The following MAMLD1 variants were observed in gnomAD, a reference collection of about 807,000 sequenced individuals.
The protein encoded by MAMLD1 is mastermind-like domain-containing protein 1.
Under a neutral mutation model 45.0 loss-of-function variants are expected in MAMLD1, and 14 were observed. The observed-to-expected ratio is 0.31, with a 90% confidence interval of 0.21 to 0.49. The LOEUF is 0.49. Ranked by LOEUF, MAMLD1 falls within the 20% of genes least tolerant of loss-of-function variation. The pLI, the probability that MAMLD1 is intolerant of heterozygous loss-of-function variation, is 0.99. For missense variants in MAMLD1, 543 were observed against 603.6 expected (o/e 0.90, Z 1.05); for synonymous variants, 254 against 247.8 (o/e 1.02, Z -0.24).
rs1479287099 is a variant in MAMLD1 at position 150,513,104 on chromosome X, T to C, written c.*1145T>C. 13 of 1,104,580 alleles carry C rather than the reference T, an allele frequency of 1.2e-5. No homozygotes were observed. Among genetic ancestry groups the C allele is most frequent in the Non-Finnish European group, 1.4e-5 (12 of 836,576 alleles). The allele number at this position is 1,104,580 out of a possible 1,213,427, so 91.0% of individuals were successfully genotyped here. Reference sequence around the variant, plus strand: ...AGCAGGATGCCCATAGAAACCCCCATGGTGACATCACTCTAGGAAGTGGTG... The same window carrying C: ...AGCAGGATGCCCATAGAAACCCCCACGGTGACATCACTCTAGGAAGTGGTG... On this transcript the variant is annotated 3_prime_UTR_variant, in exon 8 of 8. Transcript: ENST00000370401.
intron 5 of MAMLD1, among the ~76,000 whole-genome samples, chrX:150,489,806 T>TG (rs1293371156): frequency 9.1e-6 from 1 of 110,476 alleles, no homozygotes; most frequent in Non-Finnish European, 1.9e-5. Flanking sequence ...AGGAATGTAC[T>TG]GGGGGAAATG....
chrX:150,364,278 G>C (rs1265949126), intron 1 of MAMLD1, among the ~76,000 whole-genome samples: 1 of 113,105 alleles, frequency 8.8e-6, no homozygotes, highest in East Asian at 2.8e-4. Flanking sequence ...TACTTTTCTC[G>C]GCCAGTTGGC....
rs2036410423 is a variant in MAMLD1 at position 150,471,131 on chromosome X, A to G, written c.1558A>G (p.Met520Val). The G allele has an allele frequency of 1.7e-6, 2 of 1,211,335 alleles. No homozygotes were observed. Among genetic ancestry groups the G allele is most frequent in the East Asian group, 3.0e-5 (1 of 33,786 alleles). The change falls in exon 4 of 8, where the codon ATG becomes GTG. Residue 520 changes from methionine (M) to valine (V), a missense_variant. Met to Val is a conservative substitution (Grantham distance 21). Coordinates refer to ENST00000370401, the MANE Select transcript of MAMLD1 (RefSeq NM_005491.5). The stretch of plus-strand genomic sequence containing the variant: ...CAGCAACTCATCCAAAACCCTGAGC[A>G]TGATCATGCAGCAGGGGATGGCAAG... ...ISSNSSKTLS[M>V]IMQQGMASSS...
chrX:150,454,816 C>T (rs1030396344), intron 2 of MAMLD1, among the ~76,000 whole-genome samples: 1 of 110,942 alleles, frequency 9.0e-6, no homozygotes, highest in Non-Finnish European at 1.9e-5. Flanking sequence ...ACCATTACCA[C>T]CATCACCATG....
intron 2 of MAMLD1, among the ~76,000 whole-genome samples, chrX:150,451,630 G>T (rs180740383): frequency 1.8e-5 from 2 of 111,495 alleles, no homozygotes; most frequent in Non-Finnish European, 3.8e-5. Context: ...TTTGATTTCC[G>T]CAGTTGATAT....
At chrX:150,450,804 G>A (rs782628890) in intron 2 of MAMLD1, among the ~76,000 whole-genome samples, 12 of 112,294 alleles carry the variant, frequency 1.1e-4, no homozygotes, top group East Asian at 2.8e-4. Flanking sequence ...ACTACACTGA[G>A]GAGACCTGAA....
intron 3 of MAMLD1, among the ~76,000 whole-genome samples, chrX:150,465,940 G>A (rs782576921): frequency 1.8e-5 from 2 of 112,402 alleles, no homozygotes; most frequent in South Asian, 7.4e-4. Flanking sequence ...GGTCATTCCG[G>A]AGCAGTGAGC....
At chrX:150,484,158 A>G (rs1438845966) in intron 5 of MAMLD1, among the ~76,000 whole-genome samples, 1 of 112,623 alleles carries the variant, frequency 8.9e-6, no homozygotes, top group Non-Finnish European at 1.9e-5. Flanking sequence ...TAGTATATGA[A>G]CAAGCTCCCA....
At chrX:150,447,193 C>T (rs1446369369) in intron 2 of MAMLD1, among the ~76,000 whole-genome samples, 2 of 112,335 alleles carry the variant, frequency 1.8e-5, no homozygotes, top group African/African-American at 6.5e-5. Flanking sequence ...CTTTAGAGCC[C>T]TTTGTAAGCT....
At chrX:150,453,884 A>G (rs1212513780) in intron 2 of MAMLD1, among the ~76,000 whole-genome samples, 2 of 111,592 alleles carry the variant, frequency 1.8e-5, no homozygotes, top group African/African-American at 3.3e-5. Context: ...CCATTCTATC[A>G]CATCACTATT....
intron 1 of MAMLD1, among the ~76,000 whole-genome samples, chrX:150,441,008 ATTAATATTTAATAAT>A (rs1457098924): frequency 8.6e-5 from 9 of 104,939 alleles, no homozygotes; most frequent in African/African-American, 3.1e-4. Flanking sequence ...TAATATAAAT[ATTAATATTTAATAAT>A]TTAATAATTA....
rs782150467 is a variant in MAMLD1 at position 150,463,693 on chromosome X, G to A, written c.171+847G>A. On this transcript the variant is annotated intron_variant, in intron 3 of 7. Transcript: ENST00000370401. ...GCCACTCCAGGCTGCTGCTCAGATA[G>A]TTCTGGCAGAAGCCTGTTGAAGCCC... is the stretch of plus-strand genomic sequence containing the variant. Among the ~76,000 whole-genome samples, 5 of 111,772 alleles carry A rather than the reference G, an allele frequency of 4.5e-5. No homozygotes were observed. In the East Asian group the frequency reaches 1.4e-3, roughly 32 times the overall value.
intron 1 of MAMLD1, among the ~76,000 whole-genome samples, chrX:150,403,996 G>GAAAGAAAGA (rs1244362021): frequency 2.7e-5 from 2 of 73,871 alleles, no homozygotes; most frequent in Non-Finnish European, 2.9e-5. Flanking sequence ...AAGAAAGAAA[G>GAAAGAAAGA]AAGAAAGGAA....
At position 150,436,014 on chromosome X, in the gene MAMLD1, A is replaced by C. The variant is rs28845006; in HGVS notation, c.-63-9440A>C. On this transcript the variant is annotated intron_variant, in intron 1 of 7. Coordinates refer to ENST00000370401, the MANE Select transcript of MAMLD1 (RefSeq NM_005491.5). ...TAAATAAAATTATTGGTTGTAAATT[A>C]TTTTCTTTAAGAATGCTGAATATAG... Among the ~76,000 whole-genome samples, 1,115 of 111,852 alleles carry C rather than the reference A, an allele frequency of 1.0e-2. 12 individuals carry two copies. Among genetic ancestry groups the C allele is most frequent in the African/African-American group, 0.035 (1,067 of 30,774 alleles).
At chrX:150,373,556 C>G (rs782303452) in intron 1 of MAMLD1, among the ~76,000 whole-genome samples, 3 of 111,910 alleles carry the variant, frequency 2.7e-5, no homozygotes, top group Admixed American at 1.9e-4. Flanking sequence ...GCCAAGATAG[C>G]AAAGGCTAGG....
intron 1 of MAMLD1, among the ~76,000 whole-genome samples, chrX:150,435,868 A>G (rs976284052): frequency 8.9e-6 from 1 of 112,285 alleles, no homozygotes; most frequent in Non-Finnish European, 1.9e-5. Flanking sequence ...TTTCCTTTCC[A>G]TATTTAGCAC....
In MAMLD1 at chrX:150,512,110, T is replaced by G; in HGVS notation, c.*151T>G. The stretch of plus-strand genomic sequence containing the variant: ...CTGGGCTTCTTCAGAACAATCTGAG[T>G]CCAGGAATGATCCCACTCACCAGGC... On this transcript the variant is annotated 3_prime_UTR_variant, in exon 8 of 8. Coordinates refer to ENST00000370401, the MANE Select transcript of MAMLD1 (RefSeq NM_005491.5). The G allele has an allele frequency of 8.7e-7, 1 of 1,153,197 alleles. No individual in the cohort carries two copies. Among genetic ancestry groups the G allele is most frequent in the Non-Finnish European group, 1.1e-6 (1 of 871,472 alleles).
chrX:150,460,559 T>G lies in MAMLD1; in HGVS notation c.97-2213T>G, dbSNP rs782759096. ...AGTAACATACTATGGCAGCCTGGCA[T>G]GGGTCAGATCATAAGGGGGGCCAGC... On this transcript the variant is annotated intron_variant, in intron 2 of 7. Transcript: ENST00000370401. Among the ~76,000 whole-genome samples, 3 of 111,835 alleles carry G rather than the reference T, an allele frequency of 2.7e-5. No individual in the cohort carries two copies. In the South Asian group the frequency reaches 1.1e-3, roughly 42 times the overall value.
At chrX:150,367,619 T>C (rs782087697) in intron 1 of MAMLD1, among the ~76,000 whole-genome samples, 240 of 111,962 alleles carry the variant, frequency 2.1e-3, no homozygotes, top group African/African-American at 7.3e-3. Context: ...GCAGGTTTGT[T>C]ACATATGTAT....
Sources: allele counts gnomAD v4.1 joint callset (sites outside exome capture counted in the v4.1 genomes callset), GRCh38; gene constraint gnomAD v4.1.1; transcripts MANE v1.5; gene names NCBI Gene and HGNC (gene_info 2026-07-23, HGNC 2026-07-21).